The following CTNND2 variants were observed in gnomAD, a reference collection of about 807,000 sequenced individuals.
CTNND2 encodes the protein catenin delta-2.
A neutral mutation model predicts 144.4 loss-of-function variants in CTNND2; 22 were observed. The ratio of observed to expected loss-of-function variants is 0.15; its 90% CI spans 0.11 to 0.22. The LOEUF is 0.22. Ranked by LOEUF, CTNND2 falls within the 10% of genes least tolerant of loss-of-function variation. The probability of loss-of-function intolerance (pLI) is 1.00; values close to 1 mark genes in which losing one functional copy is unlikely to be tolerated. For synonymous variants in CTNND2, 751 were observed against 695.6 expected (o/e 1.08, Z -1.25); for missense variants, 1,353 against 1,618.8 (o/e 0.84, Z 2.82).
chr5:11,760,653 G>A (rs1167825723), intron 1 of CTNND2, among the ~76,000 whole-genome samples: 1 of 152,148 alleles, frequency 6.6e-6, no homozygotes, highest in Non-Finnish European at 1.5e-5. Flanking sequence ...AGGAAGGAAG[G>A]AAGAGTAGGG....
rs1309501430 is a variant in CTNND2, at chr5:10,988,667, CT to C, written c.3212-426del. On this transcript the variant is annotated intron_variant, in intron 19 of 21. Coordinates refer to ENST00000304623, the MANE Select transcript of CTNND2 (RefSeq NM_001332.4). This position sits in a 1 kb window ranked among gnomAD's most constrained non-coding sequence, Gnocchi z 5.9. ...TAGATGTGTTTCAGAAGATCTATTA[CT>C]GATATTGACTAATCCTTGATTAAAA... Among the ~76,000 whole-genome samples, 10 of 152,156 alleles carry C rather than the reference CT, an allele frequency of 6.6e-5. No homozygotes were observed. The highest frequency in any genetic ancestry group is 2.4e-4 in the African/African-American group (10 of 41,412).
At position 11,392,991 on chromosome 5, in the gene CTNND2, C is replaced by G. The variant is rs61749815; in HGVS notation, c.612+4040G>C. ...GGAACTTGCTCTTCCTTCAACTTCC[C>G]CTTCCCCTCAGCCTTCACATCCACC... On this transcript the variant is annotated intron_variant, in intron 6 of 21. Transcript: ENST00000304623. Among the ~76,000 whole-genome samples the G allele has an allele frequency of 9.0e-3, 1,370 of 152,280 alleles. 16 individuals are homozygous for G. The highest frequency in any genetic ancestry group is 0.031 in the African/African-American group (1,298 of 41,556).
At chr5:11,241,682 G>A (rs576009021) in intron 9 of CTNND2, among the ~76,000 whole-genome samples, 5 of 152,250 alleles carry the variant, frequency 3.3e-5, no homozygotes, top group African/African-American at 7.2e-5. Context: ...GTTTTGTTTC[G>A]CTTAGATGAG....
At chr5:11,662,109 G>A (rs1194371300) in intron 2 of CTNND2, among the ~76,000 whole-genome samples, 3 of 144,838 alleles carry the variant, frequency 2.1e-5, no homozygotes, top group East Asian at 2.0e-4. Flanking sequence ...ACATATTTAT[G>A]TGTGTGTGTA....
chr5:11,883,989 T>C (rs951577243), intron 1 of CTNND2, among the ~76,000 whole-genome samples: 1 of 152,252 alleles, frequency 6.6e-6, no homozygotes, highest in Non-Finnish European at 1.5e-5. Context: ...TTTTGAGAAG[T>C]GTCTGTTCAT....
intron 21 of CTNND2, among the ~76,000 whole-genome samples, chr5:10,981,182 G>A (rs1737197856): frequency 6.6e-6 from 1 of 152,240 alleles, no homozygotes; most frequent in Non-Finnish European, 1.5e-5. Context: ...AGGAGCCAGA[G>A]AAGAATCTCT....
intron 9 of CTNND2, among the ~76,000 whole-genome samples, chr5:11,326,181 C>T (rs1444581972): frequency 6.6e-6 from 1 of 152,174 alleles, no homozygotes; most frequent in Non-Finnish European, 1.5e-5. Flanking sequence ...GGATGCTCTG[C>T]TTCTGGCCTG....
intron 1 of CTNND2, among the ~76,000 whole-genome samples, chr5:11,758,874 G>C (rs1789098617): frequency 6.6e-6 from 1 of 151,760 alleles, no homozygotes; most frequent in Admixed American, 6.6e-5. Flanking sequence ...TTTCTTTTCA[G>C]TACATTTAGA....
intron 2 of CTNND2, among the ~76,000 whole-genome samples, chr5:11,721,015 A>G (rs1786644824): frequency 1.3e-5 from 2 of 152,200 alleles, no homozygotes; most frequent in African/African-American, 2.4e-5. Flanking sequence ...CTTGTACACA[A>G]ATATTCACAG....
At chr5:11,027,965 G>C (rs1677347174) in intron 16 of CTNND2, among the ~76,000 whole-genome samples, 1 of 152,204 alleles carries the variant, frequency 6.6e-6, no homozygotes, top group African/African-American at 2.4e-5. Flanking sequence ...GCCTGTATTT[G>C]TTACTGATGT....
intron 16 of CTNND2, among the ~76,000 whole-genome samples, chr5:11,044,370 C>G (rs1258475216): frequency 6.6e-6 from 1 of 152,036 alleles, no homozygotes; most frequent in Non-Finnish European, 1.5e-5. Flanking sequence ...CTATGGTCAG[C>G]CTCATCAAAC....
At chr5:11,296,499 T>G (rs1211902329) in intron 9 of CTNND2, among the ~76,000 whole-genome samples, 1 of 152,114 alleles carries the variant, frequency 6.6e-6, no homozygotes, top group African/African-American at 2.4e-5. Context: ...ACCCAAAAGA[T>G]TATAAAACAT....
chr5:11,418,490 CAAG>C (rs1762087884), intron 3 of CTNND2, among the ~76,000 whole-genome samples: 1 of 152,096 alleles, frequency 6.6e-6, no homozygotes, highest in African/African-American at 2.4e-5. Context: ...AAAATTGAAG[CAAG>C]AATAAATATC....
At chr5:11,524,964 T>C (rs1773097155) in intron 3 of CTNND2, among the ~76,000 whole-genome samples, 1 of 152,192 alleles carries the variant, frequency 6.6e-6, no homozygotes. Context: ...ATTCTCAAAA[T>C]TCTTTGTATG....
intron 1 of CTNND2, among the ~76,000 whole-genome samples, chr5:11,823,876 G>A (rs2126946831): frequency 6.6e-6 from 1 of 152,188 alleles, no homozygotes; most frequent in African/African-American, 2.4e-5. Flanking sequence ...GGGAGGCTGA[G>A]GCAGGCAGAT....
intron 3 of CTNND2, among the ~76,000 whole-genome samples, chr5:11,532,724 G>T (rs753564676): frequency 2.6e-5 from 4 of 152,040 alleles, no homozygotes; most frequent in Non-Finnish European, 4.4e-5. Flanking sequence ...AAATCAAGAA[G>T]GGCCTTAAAG....
chr5:11,882,995 T>G (rs1201260562), intron 1 of CTNND2, among the ~76,000 whole-genome samples: 1 of 152,162 alleles, frequency 6.6e-6, no homozygotes, highest in Non-Finnish European at 1.5e-5. Flanking sequence ...TCATCAATAT[T>G]TTATAGTTTT....
At chr5:11,274,771 C>T (rs921419377) in intron 9 of CTNND2, among the ~76,000 whole-genome samples, 1 of 151,982 alleles carries the variant, frequency 6.6e-6, no homozygotes, top group East Asian at 1.9e-4. Context: ...TTAATCTAAG[C>T]AAAGGTTTAT....
chr5:11,801,581 T>G (rs912422021), intron 1 of CTNND2, among the ~76,000 whole-genome samples: 1 of 152,208 alleles, frequency 6.6e-6, no homozygotes, highest in African/African-American at 2.4e-5. Context: ...ATGAGATAGC[T>G]GGCACCCTCC....
Sources: allele counts gnomAD v4.1 joint callset (sites outside exome capture counted in the v4.1 genomes callset), GRCh38; gene constraint gnomAD v4.1.1; non-coding constraint Gnocchi (gnomAD v3.1); transcripts MANE v1.5; gene names NCBI Gene and HGNC (gene_info 2026-07-23, HGNC 2026-07-21).